Variants in ATXN1 observed in about 807,000 individuals in gnomAD.
The protein encoded by ATXN1 is ataxin 1, also known as ataxin-1.
In ATXN1, 8 loss-of-function variants were observed where a neutral mutation model predicts 56.4. That is an observed-to-expected ratio of 0.14 (90% CI 0.08 to 0.26). The LOEUF is 0.26. Ranked by LOEUF, ATXN1 falls within the 10% of genes least tolerant of loss-of-function variation. The pLI, the probability that ATXN1 is intolerant of heterozygous loss-of-function variation, is 1.00. For missense variants in ATXN1, 987 were observed against 1,106.5 expected (o/e 0.89, Z 1.53); for synonymous variants, 514 against 494.6 (o/e 1.04, Z -0.52).
intron 6 of ATXN1, among the ~76,000 whole-genome samples, chr6:16,474,204 G>A (rs1410190140): frequency 1.3e-5 from 2 of 152,234 alleles, no homozygotes; most frequent in Non-Finnish European, 1.5e-5. Flanking sequence ...TAGAGCTGGA[G>A]TTTCCCCATC....
At chr6:16,454,502 C>T (rs1172666932) in intron 6 of ATXN1, among the ~76,000 whole-genome samples, 1 of 152,160 alleles carries the variant, frequency 6.6e-6, no homozygotes, top group Non-Finnish European at 1.5e-5. Context: ...ATACCTGTAG[C>T]CCATTTGTAA....
intron 6 of ATXN1, among the ~76,000 whole-genome samples, chr6:16,367,372 A>T (rs1162283686): frequency 6.6e-6 from 1 of 151,966 alleles, no homozygotes; most frequent in East Asian, 1.9e-4. Flanking sequence ...TCACACACAC[A>T]CACACACACA....
At chr6:16,349,520 A>G (rs553480256) in intron 6 of ATXN1, among the ~76,000 whole-genome samples, 90 of 152,090 alleles carry the variant, frequency 5.9e-4, no homozygotes, top group African/African-American at 2.0e-3. Flanking sequence ...AAGAAAGAAA[A>G]AAAAAAAACA....
chr6:16,324,490 A>G (rs895628394), intron 7 of ATXN1, among the ~76,000 whole-genome samples: 2 of 152,094 alleles, frequency 1.3e-5, no homozygotes, highest in African/African-American at 4.8e-5. Flanking sequence ...CAAACCATTA[A>G]TTAGTTTATC....
chr6:16,470,661 T>C (rs1396365440), intron 6 of ATXN1, among the ~76,000 whole-genome samples: 1 of 152,038 alleles, frequency 6.6e-6, no homozygotes, highest in Non-Finnish European at 1.5e-5. Context: ...TCCTAATCTG[T>C]TTGAAAAATG....
intron 2 of ATXN1, among the ~76,000 whole-genome samples, chr6:16,736,669 G>A (rs762433611): frequency 7.2e-5 from 11 of 152,146 alleles, no homozygotes; most frequent in South Asian, 2.1e-4. Context: ...CACGTATATC[G>A]CAAAGTGTTT....
chr6:16,409,890 G>A (rs1182455963), intron 6 of ATXN1, among the ~76,000 whole-genome samples: 3 of 152,148 alleles, frequency 2.0e-5, no homozygotes, highest in Admixed American at 6.5e-5. Context: ...GGGAAGCTGC[G>A]TCTGGGCTGA....
intron 4 of ATXN1, among the ~76,000 whole-genome samples, chr6:16,528,596 A>G (rs2237183): frequency 0.74 from 112,350 of 152,190 alleles, 42,810 homozygotes; most frequent in African/African-American, 0.92. Flanking sequence ...CTGAGTAAGT[A>G]TTAAATTCCT....
intron 3 of ATXN1, among the ~76,000 whole-genome samples, chr6:16,639,962 G>A (rs899963245): frequency 6.6e-6 from 1 of 152,126 alleles, no homozygotes; most frequent in South Asian, 2.1e-4. Flanking sequence ...TGGACAGAAC[G>A]TTATTTTTTT....
chr6:16,536,812 T>C (rs777522761), intron 4 of ATXN1, among the ~76,000 whole-genome samples: 1 of 152,258 alleles, frequency 6.6e-6, no homozygotes, highest in Non-Finnish European at 1.5e-5. Context: ...AGCTCTAGAC[T>C]CTGCAGAGCT....
chr6:16,627,683 T>C (rs887193384), intron 3 of ATXN1, among the ~76,000 whole-genome samples: 2 of 152,024 alleles, frequency 1.3e-5, no homozygotes, highest in African/African-American at 4.8e-5. Context: ...GCTGAGATCA[T>C]GCCACTGCAC....
rs10528588 is a variant in ATXN1 at position 16,682,203 on chromosome 6, C to CTTTTTTTTTT, written c.-614-24312_-614-24303dup. 4.0e-4 allele frequency among the ~76,000 whole-genome samples: 47 copies of CTTTTTTTTTT among 116,988 alleles called. 12 individuals carry two copies. Among genetic ancestry groups the CTTTTTTTTTT allele is most frequent in the South Asian group, 1.1e-3 (4 of 3,632 alleles). The allele number at this position is 116,988 out of a possible 152,430, so 76.7% of individuals were successfully genotyped here. A position where few individuals can be genotyped will look rare whatever the true frequency, so the allele number is the denominator to read the frequency against. On this transcript the variant is annotated intron_variant, in intron 2 of 7. Coordinates refer to ENST00000436367, the MANE Select transcript of ATXN1 (RefSeq NM_001128164.2). ...ATTCAGTAGAGGCCACTGGGGAGAA[C>CTTTTTTTTTT]TTTTTTTTTTTGAGATGGAGTCTCA...
intron 2 of ATXN1, among the ~76,000 whole-genome samples, chr6:16,692,187 C>T (rs12660756): frequency 0.099 from 15,032 of 152,224 alleles, 810 homozygotes; most frequent in Middle Eastern, 0.14. Flanking sequence ...ACCTGGGAGG[C>T]GGAGGTTGCA....
chr6:16,348,022 C>T (rs569528827), intron 6 of ATXN1, among the ~76,000 whole-genome samples: 1 of 152,328 alleles, frequency 6.6e-6, no homozygotes, highest in South Asian at 2.1e-4. Flanking sequence ...GAGGAATGAA[C>T]AACTCCAGAC....
intron 6 of ATXN1, among the ~76,000 whole-genome samples, chr6:16,329,059 C>T (rs951852388): frequency 1.3e-5 from 2 of 152,174 alleles, no homozygotes; most frequent in African/African-American, 4.8e-5. Context: ...GAGTTAACAA[C>T]TCCCCTAAGA....
intron 5 of ATXN1, among the ~76,000 whole-genome samples, chr6:16,510,293 A>T (rs1761060081): frequency 6.6e-6 from 1 of 152,136 alleles, no homozygotes; most frequent in Non-Finnish European, 1.5e-5. Flanking sequence ...CATTTTAACA[A>T]TATTCCCAGG....
intron 2 of ATXN1, among the ~76,000 whole-genome samples, chr6:16,679,372 G>GTGGA (rs10618388): frequency 0.016 from 2,370 of 144,212 alleles, 41 homozygotes; most frequent in Middle Eastern, 0.059. Context: ...AGGTGGGTGG[G>GTGGA]TGGATGGATG....
intron 4 of ATXN1, among the ~76,000 whole-genome samples, chr6:16,564,315 A>G (rs2113742778): frequency 1.3e-5 from 2 of 152,092 alleles, no homozygotes; most frequent in East Asian, 3.9e-4. Flanking sequence ...TGTAAAATGA[A>G]AAAAAAATCA....
At chr6:16,723,375 C>G (rs1393386885) in intron 2 of ATXN1, among the ~76,000 whole-genome samples, 1 of 152,132 alleles carries the variant, frequency 6.6e-6, no homozygotes, top group Non-Finnish European at 1.5e-5. Flanking sequence ...ATGAGTTCAA[C>G]TACCCACAGT....
Sources: gnomAD v4.1 joint callset for allele counts (sites outside exome capture counted in the v4.1 genomes callset) on GRCh38, gnomAD v4.1.1 for gene constraint, MANE v1.5 for transcripts, NCBI Gene and HGNC (gene_info 2026-07-23, HGNC 2026-07-21) for gene names.